The following ERC1 variants were observed in gnomAD, a reference collection of about 807,000 sequenced individuals.
ERC1 encodes RAB6 interacting protein 2.
A neutral mutation model predicts 132.0 loss-of-function variants in ERC1; 56 were observed. The observed-to-expected ratio is 0.42, with a 90% CI of 0.34 to 0.53. The LOEUF (loss-of-function observed/expected upper bound fraction) is 0.53. Among genes scored for constraint, ERC1 ranks in the 20% least tolerant of loss-of-function variants. The pLI, the probability that ERC1 is intolerant of heterozygous loss-of-function variation, is 0.03. For synonymous variants in ERC1, 478 were observed against 476.1 expected (o/e 1.00, Z -0.05); for missense variants, 1,202 against 1,349.9 (o/e 0.89, Z 1.72).
chr12:997,075 T>C (rs573652333), intron 1 of ERC1, among the ~76,000 whole-genome samples: 16 of 152,344 alleles, frequency 1.1e-4, no homozygotes, highest in African/African-American at 3.1e-4. Flanking sequence ...TGTGCCACCA[T>C]GCCTGGCTAA....
chr12:1,019,413 C>T (rs1965994424), intron 1 of ERC1, among the ~76,000 whole-genome samples: 1 of 152,164 alleles, frequency 6.6e-6, no homozygotes. Flanking sequence ...GTATGAGCCA[C>T]CGTGCCCAGC....
At chr12:1,091,283 T>C (rs1446235388) in intron 3 of ERC1, among the ~76,000 whole-genome samples, 1 of 152,216 alleles carries the variant, frequency 6.6e-6, no homozygotes, top group Non-Finnish European at 1.5e-5. Flanking sequence ...AGAAAGACTT[T>C]CTGGGTGGAG....
At chr12:1,418,673 T>C (rs1326436967) in intron 17 of ERC1, among the ~76,000 whole-genome samples, 1 of 73,806 alleles carries the variant, frequency 1.4e-5, no homozygotes, top group Non-Finnish European at 2.4e-5. Flanking sequence ...TTCTTTTCTT[T>C]CTTTCTTTCT....
At chr12:1,422,518 A>C (rs183593330) in intron 17 of ERC1, among the ~76,000 whole-genome samples, 2 of 150,704 alleles carry the variant, frequency 1.3e-5, no homozygotes, top group Admixed American at 1.3e-4. Context: ...TGCTAAAATG[A>C]CAGAATTTCA....
At chr12:1,445,944 T>C (rs566965459) in intron 18 of ERC1, among the ~76,000 whole-genome samples, 1 of 152,278 alleles carries the variant, frequency 6.6e-6, no homozygotes, top group South Asian at 2.1e-4. Context: ...AGGCTGGAAG[T>C]CCCAGATCAG....
rs1565990561 is a variant in ERC1, at chr12:1,112,232, G to A, written c.1335G>A (p.Glu445=). 2 of 1,612,272 alleles carry A rather than the reference G, an allele frequency of 1.2e-6. No homozygotes were observed. The highest frequency in any genetic ancestry group is 2.7e-5 in the African/African-American group (2 of 74,890). ...FMKNKVEQLK[E]ELSSKEAQWE... ...CGTGACAGGTAGAACAACTGAAGGA[G>A]GAACTAAGTTCGAAAGAGGCTCAAT... The change falls in exon 6 of 19, where the codon GAG becomes GAA. Residue 445 remains glutamate, a synonymous_variant. Transcript: ENST00000360905.
chr12:1,170,107 T>A (rs1279219116), intron 8 of ERC1, among the ~76,000 whole-genome samples: 1 of 152,210 alleles, frequency 6.6e-6, no homozygotes, highest in Admixed American at 6.5e-5. Flanking sequence ...AAAAATAAAC[T>A]TCTCCTCACT....
chr12:1,479,894 G>T (rs894179508), intron 18 of ERC1, among the ~76,000 whole-genome samples: 2 of 152,106 alleles, frequency 1.3e-5, no homozygotes, highest in African/African-American at 4.8e-5. Flanking sequence ...CGTGCCCTTT[G>T]CACTGAGAGC....
chr12:1,242,079 T>C (rs958094789), intron 13 of ERC1, among the ~76,000 whole-genome samples: 1 of 152,118 alleles, frequency 6.6e-6, no homozygotes, highest in African/African-American at 2.4e-5. Context: ...ACTCCTGACC[T>C]CAGGTGATTC....
chr12:1,338,171 G>T (rs950061237), intron 15 of ERC1, among the ~76,000 whole-genome samples: 2 of 152,146 alleles, frequency 1.3e-5, no homozygotes, highest in African/African-American at 4.8e-5. Context: ...AGGGATACCA[G>T]TCATTCATAG....
chr12:1,112,441 C>A (rs1466915654), intron 6 of ERC1, 143 bp downstream of exon 6: 2 of 567,658 alleles, frequency 3.5e-6, no homozygotes, highest in Non-Finnish European at 3.2e-6. Flanking sequence ...GCCTGCTCTG[C>A]TCTTTAACTG....
intron 15 of ERC1, among the ~76,000 whole-genome samples, chr12:1,359,386 G>A (rs928429300): frequency 6.6e-6 from 1 of 152,120 alleles, no homozygotes; most frequent in African/African-American, 2.4e-5. Flanking sequence ...TTTTATTGCT[G>A]TAATAATAAA....
chr12:1,440,348 ACGCC>A (rs1008146644), intron 17 of ERC1, among the ~76,000 whole-genome samples: 10 of 145,540 alleles, frequency 6.9e-5, no homozygotes, highest in Non-Finnish European at 1.5e-4. Context: ...GGGACTACAG[ACGCC>A]CGCCACCACG....
At chr12:1,146,512 A>G (rs970534945) in intron 8 of ERC1, among the ~76,000 whole-genome samples, 49 of 151,218 alleles carry the variant, frequency 3.2e-4, no homozygotes, top group Non-Finnish European at 8.8e-5. Flanking sequence ...ATATGACCTT[A>G]TCATCAGCAA....
At chr12:1,206,998 T>C (rs1035000894) in intron 12 of ERC1, among the ~76,000 whole-genome samples, 1 of 152,208 alleles carries the variant, frequency 6.6e-6, no homozygotes, top group East Asian at 1.9e-4. Flanking sequence ...AATAGAACAC[T>C]AGGCATAAAA....
intron 18 of ERC1, among the ~76,000 whole-genome samples, chr12:1,478,672 A>G (rs555370302): frequency 5.0e-4 from 76 of 152,136 alleles, no homozygotes; most frequent in Non-Finnish European, 9.9e-4. Flanking sequence ...GAGCGCCTGT[A>G]GTCCCAGCTA....
chr12:1,360,445 C>A (rs2085981560), intron 15 of ERC1, among the ~76,000 whole-genome samples: 1 of 152,128 alleles, frequency 6.6e-6, no homozygotes, highest in African/African-American at 2.4e-5. Context: ...TGATCCTTTT[C>A]TTGGAAATTG....
intron 15 of ERC1, among the ~76,000 whole-genome samples, chr12:1,325,274 A>C (rs2082369736): frequency 6.6e-6 from 1 of 152,282 alleles, no homozygotes; most frequent in East Asian, 1.9e-4. Context: ...CTGAATTGTC[A>C]GGGCCTTTCT....
chr12:1,287,848 T>C (rs1253951217), intron 14 of ERC1, among the ~76,000 whole-genome samples: 2 of 152,226 alleles, frequency 1.3e-5, no homozygotes, highest in African/African-American at 4.8e-5. Flanking sequence ...TATTTACACA[T>C]ATACACTCTG....
Sources: allele counts gnomAD v4.1 joint callset (sites outside exome capture counted in the v4.1 genomes callset), GRCh38; gene constraint gnomAD v4.1.1; transcripts MANE v1.5; gene names NCBI Gene and HGNC (gene_info 2026-07-23, HGNC 2026-07-21).